PTPN3: variants seen among roughly 807,000 people sequenced by gnomAD.
The protein encoded by PTPN3 is tyrosine-protein phosphatase non-receptor type 3.
Under a neutral mutation model 132.7 loss-of-function variants are expected in PTPN3, and 96 were observed. The ratio of observed to expected loss-of-function variants is 0.72; its 90% confidence interval spans 0.61 to 0.86. The LOEUF is 0.86. Among genes scored for constraint, PTPN3 ranks in the 40% least tolerant of loss-of-function variants. The probability of loss-of-function intolerance (pLI) is 0.00; values close to 1 mark genes in which losing one functional copy is unlikely to be tolerated. For synonymous variants in PTPN3, 398 were observed against 429.0 expected, an observed-to-expected ratio of 0.93 and a Z score of 0.89; for missense variants, 1,125 against 1,159.6, an observed-to-expected ratio of 0.97 and a Z score of 0.43.
intron 14 of PTPN3, among the ~76,000 whole-genome samples, chr9:109,416,784 C>G (rs1842538263): frequency 6.6e-6 from 1 of 152,020 alleles, no homozygotes; most frequent in Non-Finnish European, 1.5e-5. Context: ...ATGGCTGCCC[C>G]AAATCCCATG....
chr9:109,382,416 T>C lies in PTPN3; in HGVS notation c.2414A>G (p.Gln805Arg). 1 of 1,614,212 alleles carries C rather than the reference T, an allele frequency of 6.2e-7. No individual in the cohort carries two copies. The highest frequency in any genetic ancestry group is 8.5e-7 in the Non-Finnish European group (1 of 1,180,052). Reference protein sequence around the residue: ...TGEEHTVTHLQYVAWPDHGVP... With the variant: ...TGEEHTVTHLRYVAWPDHGVP... ...ACCGTGGTCAGGCCATGCGACGTAC[T>C]GGAGATGTGTCACTGTGTGTTCTTC... The change falls in exon 24 of 26, where the codon CAG (glutamine) becomes CGG (arginine). Residue 805 changes from glutamine to arginine, a missense_variant. Coordinates refer to ENST00000374541, the MANE Select transcript of PTPN3 (RefSeq NM_002829.4).
At chr9:109,475,237 T>C (rs1420437629) in intron 1 of PTPN3, among the ~76,000 whole-genome samples, 1 of 152,236 alleles carries the variant, frequency 6.6e-6, no homozygotes. Context: ...CTCTGGGCTT[T>C]CAGGACTTCT....
At chr9:109,393,236 G>A (rs1224860985) in intron 19 of PTPN3, among the ~76,000 whole-genome samples, 1 of 151,934 alleles carries the variant, frequency 6.6e-6, no homozygotes, top group Non-Finnish European at 1.5e-5. Context: ...TTACACATAT[G>A]ATCTTTAATG....
intron 25 of PTPN3, among the ~76,000 whole-genome samples, chr9:109,379,875 G>A (rs1838883623): frequency 1.3e-5 from 2 of 152,218 alleles, no homozygotes; most frequent in South Asian, 4.1e-4. Context: ...GTCTGGGGGA[G>A]GTGGGAAGGA....
chr9:109,448,222 TCA>T (rs1033317935), intron 6 of PTPN3, among the ~76,000 whole-genome samples: 3 of 152,104 alleles, frequency 2.0e-5, no homozygotes, highest in African/African-American at 7.2e-5. Context: ...AGGGCTAAAC[TCA>T]CAGGGGTTGG....
At chr9:109,501,564 T>C (rs10739278), upstream of PTPN3, among the ~76,000 whole-genome samples, 135,826 of 152,242 alleles carry the variant, frequency 0.89, 60,843 homozygotes, top group African/African-American at 0.97. Context: ...AGCTGTTGCA[T>C]CTGGAGTGAC....
chr9:109,524,484 C>A, the PTPN3 span, among the ~76,000 whole-genome samples: 1 of 152,194 alleles, frequency 6.6e-6, no homozygotes, highest in African/African-American at 2.4e-5. Flanking sequence ...TTGTCTAACT[C>A]CAAAGCCCAC....
At chr9:109,532,365 G>T in the PTPN3 span, among the ~76,000 whole-genome samples, 78 of 152,240 alleles carry the variant, frequency 5.1e-4, no homozygotes, top group South Asian at 3.1e-3. Context: ...GTTTCATTCA[G>T]ATTTTTATTC....
At chr9:109,517,771 T>G in the PTPN3 span, among the ~76,000 whole-genome samples, 1 of 152,236 alleles carries the variant, frequency 6.6e-6, no homozygotes, top group South Asian at 2.1e-4. Context: ...TTCTAGTCAC[T>G]CTGGCCTGTG....
In PTPN3 at chr9:109,376,901, G is replaced by A. The variant is rs1838598084; in HGVS notation, c.*2655C>T. ...GATTTGTTCCTGGCAACCTCGCTGG[G>A]TCTGAACTGCTGGCCTGCCCAGTGG... On this transcript the variant is annotated 3_prime_UTR_variant, in exon 26 of 26. Transcript: ENST00000374541. 6.6e-6 allele frequency: 1 copy of A among 152,198 alleles called. No individual in the cohort carries two copies. The highest frequency in any genetic ancestry group is 2.4e-5 in the African/African-American group (1 of 41,452). The allele number at this position is 152,198 out of a possible 1,614,324, so 9.4% of individuals were successfully genotyped here.
Position 109,404,515 on chromosome 9 carries a change from G to A in PTPN3, c.1886C>T (p.Thr629Ile). The change falls in exon 19 of 26, where the codon ACT (threonine) becomes ATT (isoleucine). Residue 629 changes from threonine to isoleucine, a missense_variant. By Grantham distance (89) the Thr-to-Ile change is moderately conservative. Transcript: ENST00000374541. ...TAGCTGTGCCATGGATCCCTCCAAAGTGTCCCCACCCTCCGGACACATGGG... is the reference window on the plus strand; with the variant it reads ...TAGCTGTGCCATGGATCCCTCCAAAATGTCCCCACCCTCCGGACACATGGG... ...IFPMCPEGGD[T>I]LEGSMAQLKK... is the part of the protein sequence containing the mutation. The A allele has an allele frequency of 6.4e-7, 1 of 1,565,734 alleles. No homozygotes were observed. Among genetic ancestry groups the A allele is most frequent in the Non-Finnish European group, 8.7e-7 (1 of 1,147,998 alleles).
At position 109,433,084 on chromosome 9, in the gene PTPN3, A is replaced by C. The variant is rs1843776121; in HGVS notation, c.753T>G (p.Ser251Arg). The C allele has an allele frequency of 8.7e-6, 14 of 1,614,132 alleles. No individual in the cohort carries two copies. Among genetic ancestry groups the C allele is most frequent in the Non-Finnish European group, 1.2e-5 (14 of 1,179,994 alleles). ...CTGTTTGCACTTACCAAGGATAGAA[A>C]CTTGTGCAAATGTATTTTCGGTACA... ...VAVYRKYICTSFYPWVNILKI... is the reference protein window; with the variant it reads ...VAVYRKYICTRFYPWVNILKI... The change falls in exon 10 of 26, where the codon AGT becomes AGG. Residue 251 changes from serine (S) to arginine (R), a missense_variant. Coordinates refer to ENST00000374541, the MANE Select transcript of PTPN3 (RefSeq NM_002829.4).
chr9:109,506,759 G>C, the PTPN3 span, among the ~76,000 whole-genome samples: 132,143 of 152,004 alleles, frequency 0.87, 57,514 homozygotes, highest in South Asian at 0.94. Context: ...CATGCCACAA[G>C]ACTTGGCTGA....
chr9:109,485,321 C>G (rs1319979581), intron 1 of PTPN3, among the ~76,000 whole-genome samples: 3 of 152,046 alleles, frequency 2.0e-5, no homozygotes, highest in Non-Finnish European at 4.4e-5. Flanking sequence ...TCCTGGCTAA[C>G]AGGTGAAACC....
chr9:109,454,417 G>A (rs1239613711), intron 5 of PTPN3, 79 bp downstream of exon 5: 7 of 1,205,816 alleles, frequency 5.8e-6, no homozygotes, highest in Non-Finnish European at 7.3e-6. Flanking sequence ...TTTGGCCATA[G>A]TAATAAAATG....
At chr9:109,444,537 A>C (rs78559255) in intron 7 of PTPN3, among the ~76,000 whole-genome samples, 1 of 152,004 alleles carries the variant, frequency 6.6e-6, no homozygotes, top group African/African-American at 2.4e-5. Flanking sequence ...GACTTAGTAT[A>C]AAAAAAATGT....
At chr9:109,413,667 C>T (rs1842255633) in intron 14 of PTPN3, among the ~76,000 whole-genome samples, 1 of 152,048 alleles carries the variant, frequency 6.6e-6, no homozygotes, top group Non-Finnish European at 1.5e-5. Flanking sequence ...AGAGGTTTGT[C>T]CCTGAGGCAG....
intron 7 of PTPN3, among the ~76,000 whole-genome samples, chr9:109,440,302 TG>T (rs1477271933): frequency 6.6e-6 from 1 of 152,230 alleles, no homozygotes; most frequent in Non-Finnish European, 1.5e-5. Flanking sequence ...GCTATGTGGC[TG>T]GTGAGTTTGT....
chr9:109,534,462 C>T, the PTPN3 span: 3 of 1,157,438 alleles, frequency 2.6e-6, no homozygotes, highest in Non-Finnish European at 1.2e-6. Context: ...CTCCCGCTAC[C>T]GATCGAACTC....
Sources: allele counts gnomAD v4.1 joint callset (sites outside exome capture counted in the v4.1 genomes callset), GRCh38; gene constraint gnomAD v4.1.1; transcripts MANE v1.5; gene names NCBI Gene and HGNC (gene_info 2026-07-23, HGNC 2026-07-21).